The following IPO11 variants were observed in gnomAD, a reference collection of about 807,000 sequenced individuals.
The protein encoded by IPO11 is importin 11.
In IPO11, 66 loss-of-function variants were observed where a neutral mutation model predicts 143.2. The observed-to-expected ratio is 0.46, with a 90% CI of 0.38 to 0.57. The LOEUF is 0.57. IPO11 is among the 20% of genes least tolerant of loss of function. IPO11 has a pLI of 0.00. For synonymous variants in IPO11, 385 were observed against 377.8 expected (o/e 1.02, Z -0.22); for missense variants, 1,026 against 1,141.0 (o/e 0.90, Z 1.45).
intron 26 of IPO11, among the ~76,000 whole-genome samples, 196 bp downstream of exon 26, chr5:62,551,532 T>C (rs1743390723): frequency 6.6e-6 from 1 of 152,220 alleles, no homozygotes; most frequent in Non-Finnish European, 1.5e-5. Context: ...TTATACATTT[T>C]TGTCCTCGCT....
chr5:62,617,012 C>T (rs1452063633), intron 29 of IPO11, among the ~76,000 whole-genome samples: 1 of 152,140 alleles, frequency 6.6e-6, no homozygotes, highest in Non-Finnish European at 1.5e-5. Flanking sequence ...TTTATAGCAC[C>T]TGCACTTTTC....
At chr5:62,609,198 C>G (rs1561385780) in intron 29 of IPO11, among the ~76,000 whole-genome samples, 1 of 152,176 alleles carries the variant, frequency 6.6e-6, no homozygotes, top group East Asian at 1.9e-4. Flanking sequence ...ATAATGAAGG[C>G]ATTGGCTTCT....
At chr5:62,420,674 G>C (rs1400537891) in intron 1 of IPO11, among the ~76,000 whole-genome samples, 1 of 151,764 alleles carries the variant, frequency 6.6e-6, no homozygotes, top group Non-Finnish European at 1.5e-5. Context: ...TGACCTCCTG[G>C]GCTCAGGTGA....
intron 14 of IPO11, 68 bp downstream of exon 14, chr5:62,489,417 G>T: frequency 8.7e-7 from 1 of 1,146,760 alleles, no homozygotes; most frequent in South Asian, 1.5e-5. Context: ...TTTTGTGGTA[G>T]ATTTTGTGCT....
At chr5:62,445,369 A>G (rs1349331877) in intron 3 of IPO11, among the ~76,000 whole-genome samples, 3 of 152,156 alleles carry the variant, frequency 2.0e-5, no homozygotes, top group Non-Finnish European at 4.4e-5. Flanking sequence ...GATAACATGC[A>G]TAAAATTAAA....
At chr5:62,565,259 G>T (rs562658766) in intron 27 of IPO11, among the ~76,000 whole-genome samples, 7 of 152,300 alleles carry the variant, frequency 4.6e-5, no homozygotes, top group Non-Finnish European at 1.0e-4. Flanking sequence ...GCCGAGGCAG[G>T]CAGATCACTT....
intron 24 of IPO11, among the ~76,000 whole-genome samples, chr5:62,547,334 T>A (rs1482686018): frequency 6.6e-6 from 1 of 152,156 alleles, no homozygotes; most frequent in Non-Finnish European, 1.5e-5. Flanking sequence ...TCATATGGAT[T>A]TCCCACAGGC....
At chr5:62,518,194 C>T (rs1349519248) in intron 20 of IPO11, among the ~76,000 whole-genome samples, 1 of 150,770 alleles carries the variant, frequency 6.6e-6, no homozygotes, top group Non-Finnish European at 1.5e-5. Context: ...GCCTGTAATC[C>T]TAGCACTTTG....
In IPO11 at chr5:62,536,768, C is replaced by G. The variant is rs1156863671; in HGVS notation, c.2156C>G (p.Thr719Arg). 1.9e-6 allele frequency: 3 copies of G among 1,563,618 alleles called. No individual in the cohort carries two copies. Among genetic ancestry groups the G allele is most frequent in the Non-Finnish European group, 2.6e-6 (3 of 1,161,486 alleles). ...IINGYIFLSS[T>R]EFLQTYAVGL... is the part of the protein sequence containing the mutation. ...AATGGTTATATCTTTTTATCATCAA[C>G]AGAATTTTTACAGGTATGTTGGAGT... The change falls in exon 23 of 30, where the codon ACA becomes AGA. Residue 719 changes from threonine (T) to arginine (R), a missense_variant. Thr to Arg is a moderately conservative substitution (Grantham distance 71). This residue lies in a region of IPO11 where 351 missense variants were observed against 358.9 expected (regional missense o/e 0.98). Transcript: ENST00000325324.
chr5:62,535,819 G>A (rs1170039860), intron 22 of IPO11, among the ~76,000 whole-genome samples: 1 of 152,122 alleles, frequency 6.6e-6, no homozygotes, highest in East Asian at 1.9e-4. Context: ...GTCTTATTTT[G>A]AGTGAATATA....
chr5:62,480,822 A>G (rs1419737664), intron 9 of IPO11, among the ~76,000 whole-genome samples: 1 of 151,830 alleles, frequency 6.6e-6, no homozygotes, highest in Admixed American at 6.6e-5. Context: ...TATCAGCTTA[A>G]GGAGATTTTG....
chr5:62,516,497 T>C (rs1742026114), intron 20 of IPO11, among the ~76,000 whole-genome samples: 1 of 152,082 alleles, frequency 6.6e-6, no homozygotes, highest in African/African-American at 2.4e-5. Context: ...TTTCACCATG[T>C]TGGCCAGGCT....
At chr5:62,517,065 G>A (rs557110234) in intron 20 of IPO11, among the ~76,000 whole-genome samples, 1 of 152,182 alleles carries the variant, frequency 6.6e-6, no homozygotes, top group East Asian at 2.0e-4. Flanking sequence ...AGGCGTGGTG[G>A]CGGGTGCCTG....
At position 62,506,336 on chromosome 5, in the gene IPO11, G is replaced by C. The variant is rs372436599; in HGVS notation, c.1761G>C (p.Val587=). The C allele has an allele frequency of 4.4e-6, 7 of 1,597,276 alleles. No homozygotes were observed. The highest frequency in any genetic ancestry group is 5.1e-6 in the Non-Finnish European group (6 of 1,167,236). ...ATGTTTTGCATGTCCTTTCTTGTGT[G>C]ATCGAAAGAGTCAACATGCAGGTAA... ...KMHVLHVLSC[V]IERVNMQIRP... Residue 587 remains valine, a synonymous_variant, in exon 19 of 30, where the codon GTG becomes GTC. Transcript: ENST00000325324.
intron 24 of IPO11, among the ~76,000 whole-genome samples, chr5:62,537,765 AAC>A (rs1379944900): frequency 6.6e-6 from 1 of 152,162 alleles, no homozygotes; most frequent in African/African-American, 2.4e-5. Context: ...ATTATGAACT[AAC>A]AGTCTCTAAG....
intron 20 of IPO11, among the ~76,000 whole-genome samples, chr5:62,519,071 C>T (rs569980156): frequency 2.0e-5 from 3 of 152,134 alleles, no homozygotes; most frequent in African/African-American, 7.2e-5. Context: ...GGAAGGCCTC[C>T]TGACAGAGGT....
chr5:62,570,349 G>A (rs1479597210), intron 27 of IPO11, among the ~76,000 whole-genome samples: 1 of 152,038 alleles, frequency 6.6e-6, no homozygotes, highest in Non-Finnish European at 1.5e-5. Flanking sequence ...GTATTTTGAG[G>A]TGTTTCTATC....
chr5:62,493,346 T>C (rs888705474), intron 15 of IPO11, among the ~76,000 whole-genome samples: 2 of 152,188 alleles, frequency 1.3e-5, no homozygotes, highest in African/African-American at 2.4e-5. Flanking sequence ...TTTCCAGTTT[T>C]AGAGTTTGGG....
At chr5:62,467,363 A>G in intron 6 of IPO11, 100 bp downstream of exon 6, 1 of 1,269,942 alleles carries the variant, frequency 7.9e-7, no homozygotes, top group Non-Finnish European at 1.1e-6. Context: ...GTTTCACTGG[A>G]AAAATAAGAG....
Sources: gnomAD v4.1 joint callset for allele counts (sites outside exome capture counted in the v4.1 genomes callset) on GRCh38, gnomAD v4.1.1 for gene constraint, gnomAD v4.1.1 regional missense constraint, MANE v1.5 for transcripts, NCBI Gene and HGNC (gene_info 2026-07-23, HGNC 2026-07-21) for gene names.